The following MARCHF11 variants were observed in gnomAD, a reference collection of about 807,000 sequenced individuals.
The protein encoded by MARCHF11 is E3 ubiquitin-protein ligase MARCHF11.
MARCHF11 carries 29 observed loss-of-function variants against 37.3 expected under a neutral mutation model. The observed-to-expected ratio is 0.78, with a 90% CI of 0.58 to 1.06. The LOEUF is 1.06. MARCHF11 is among the 50% of genes least tolerant of loss of function. The pLI is 0.00. For synonymous variants in MARCHF11, 233 were observed against 228.0 expected (o/e 1.02, Z -0.20); for missense variants, 482 against 533.4 (o/e 0.90, Z 0.95).
At chr5:16,067,906 A>C in intron 3 of MARCHF11, 113 bp from the exon 4 acceptor site, 1 of 902,508 alleles carries the variant, frequency 1.1e-6, no homozygotes, top group South Asian at 1.8e-5. Flanking sequence ...CATCATCAGC[A>C]AAAATACAGT....
At chr5:16,125,438 C>T (rs964090267) in intron 2 of MARCHF11, among the ~76,000 whole-genome samples, 1 of 152,092 alleles carries the variant, frequency 6.6e-6, no homozygotes, top group African/African-American at 2.4e-5. Context: ...CCCAAAATGG[C>T]CCCCTGCAAT....
intron 2 of MARCHF11, among the ~76,000 whole-genome samples, chr5:16,151,307 A>G (rs1038823158): frequency 6.6e-6 from 1 of 152,006 alleles, no homozygotes; most frequent in Non-Finnish European, 1.5e-5. Context: ...ATATTTCTCT[A>G]TCACAAACAA....
chr5:16,156,282 A>G (rs949216706), intron 2 of MARCHF11, among the ~76,000 whole-genome samples: 1 of 151,902 alleles, frequency 6.6e-6, no homozygotes, highest in Admixed American at 6.6e-5. Flanking sequence ...GAGCTCTCTT[A>G]CTTCTAAAGT....
chr5:16,132,536 A>T (rs1420486811), intron 2 of MARCHF11, among the ~76,000 whole-genome samples: 1 of 152,194 alleles, frequency 6.6e-6, no homozygotes, highest in African/African-American at 2.4e-5. Flanking sequence ...TTAAAAGGCA[A>T]ACTACCAGGA....
At chr5:16,148,209 G>C (rs558098082) in intron 2 of MARCHF11, among the ~76,000 whole-genome samples, 1 of 152,164 alleles carries the variant, frequency 6.6e-6, no homozygotes, top group South Asian at 2.1e-4. Flanking sequence ...CAGAGGGCAT[G>C]AATTTACTTT....
intron 3 of MARCHF11, among the ~76,000 whole-genome samples, chr5:16,078,155 T>C (rs540357973): frequency 4.6e-5 from 7 of 152,232 alleles, no homozygotes; most frequent in Non-Finnish European, 1.0e-4. Context: ...TGGGTCATCT[T>C]ACTCATTACA....
At chr5:16,146,025 A>G (rs1410728969) in intron 2 of MARCHF11, among the ~76,000 whole-genome samples, 1 of 152,188 alleles carries the variant, frequency 6.6e-6, no homozygotes, top group Admixed American at 6.5e-5. Context: ...GGAGTGTACC[A>G]TTCAGTGTCA....
intron 2 of MARCHF11, among the ~76,000 whole-genome samples, chr5:16,156,494 G>A (rs1228682800): frequency 4.0e-5 from 6 of 151,846 alleles, no homozygotes; most frequent in Non-Finnish European, 8.8e-5. Flanking sequence ...GGAACTACTA[G>A]GAAATGATTC....
intron 2 of MARCHF11, among the ~76,000 whole-genome samples, chr5:16,108,407 C>T (rs1737081369): frequency 6.6e-6 from 1 of 152,204 alleles, no homozygotes; most frequent in Admixed American, 6.5e-5. Flanking sequence ...TTCAAAGGTG[C>T]CCTTTATTAA....
chr5:16,130,279 C>A lies in MARCHF11; in HGVS notation c.694-39198G>T, dbSNP rs1737495223. Among the ~76,000 whole-genome samples the A allele has an allele frequency of 2.6e-5, 4 of 151,108 alleles. No individual in the cohort carries two copies. The South Asian group carries it at 8.3e-4, about 31-fold the overall frequency. ...ACACACACACACACACACACACACA[C>A]ACAAAAGATGTGTTCATCTTTTTTG... On this transcript the variant is annotated intron_variant, in intron 2 of 3. Coordinates refer to ENST00000332432, the MANE Select transcript of MARCHF11 (RefSeq NM_001102562.3).
At chr5:16,128,482 A>T (rs1737457568) in intron 2 of MARCHF11, among the ~76,000 whole-genome samples, 1 of 152,170 alleles carries the variant, frequency 6.6e-6, no homozygotes, top group Admixed American at 6.5e-5. Context: ...CACTGAGATA[A>T]CCCCTAGGGA....
chr5:16,156,845 G>A (rs1338401248), intron 2 of MARCHF11, among the ~76,000 whole-genome samples: 1 of 151,774 alleles, frequency 6.6e-6, no homozygotes, highest in Non-Finnish European at 1.5e-5. Context: ...AATACTGTAG[G>A]CAATGGAAAC....
chr5:16,147,068 T>C (rs1350022598), intron 2 of MARCHF11, among the ~76,000 whole-genome samples: 1 of 152,098 alleles, frequency 6.6e-6, no homozygotes, highest in African/African-American at 2.4e-5. Flanking sequence ...GAAAGGAATA[T>C]TTCAAAAGAC....
At chr5:16,126,347 T>C (rs973607936) in intron 2 of MARCHF11, among the ~76,000 whole-genome samples, 1 of 152,234 alleles carries the variant, frequency 6.6e-6, no homozygotes. Context: ...GAATGTATCA[T>C]ATAAATGCCA....
chr5:16,166,777 A>C (rs889200806), intron 2 of MARCHF11, among the ~76,000 whole-genome samples: 2 of 152,038 alleles, frequency 1.3e-5, no homozygotes, highest in Non-Finnish European at 2.9e-5. Flanking sequence ...GCAAAGCATG[A>C]GTTTATAAGA....
At chr5:16,073,616 T>G (rs897189409) in intron 3 of MARCHF11, among the ~76,000 whole-genome samples, 1 of 149,618 alleles carries the variant, frequency 6.7e-6, no homozygotes, top group Non-Finnish European at 1.5e-5. Flanking sequence ...ATAATATATA[T>G]AGAACTATAT....
intron 2 of MARCHF11, among the ~76,000 whole-genome samples, chr5:16,119,496 C>T (rs1737277974): frequency 6.6e-6 from 1 of 152,080 alleles, no homozygotes; most frequent in South Asian, 2.1e-4. Flanking sequence ...TCTCTGGTAC[C>T]TCATCTGGTA....
intron 3 of MARCHF11, among the ~76,000 whole-genome samples, chr5:16,078,564 T>C (rs1407322876): frequency 1.3e-5 from 2 of 152,128 alleles, no homozygotes; most frequent in African/African-American, 4.8e-5. Flanking sequence ...GAAGCATCAT[T>C]TAGAAGAATG....
chr5:16,161,733 T>C (rs2126604745), intron 2 of MARCHF11, among the ~76,000 whole-genome samples: 1 of 152,074 alleles, frequency 6.6e-6, no homozygotes, highest in Admixed American at 6.6e-5. Context: ...ACATAAAAAG[T>C]TATTTCCCCT....
Sources: allele counts gnomAD v4.1 joint callset (sites outside exome capture counted in the v4.1 genomes callset), GRCh38; gene constraint gnomAD v4.1.1; transcripts MANE v1.5; gene names NCBI Gene and HGNC (gene_info 2026-07-23, HGNC 2026-07-21).